Variants in EFR3A observed in about 807,000 individuals in gnomAD.
The protein encoded by EFR3A is protein EFR3 homolog A.
A neutral mutation model predicts 104.4 loss-of-function variants in EFR3A; 76 were observed. That is an observed-to-expected ratio of 0.73 (90% CI 0.60 to 0.88). The LOEUF is 0.88. Ranked by LOEUF, EFR3A falls within the 40% of genes least tolerant of loss-of-function variation. The pLI, the probability that EFR3A is intolerant of heterozygous loss-of-function variation, is 0.00. For missense variants in EFR3A, 985 were observed against 1,012.5 expected (o/e 0.97, Z 0.37); for synonymous variants, 330 against 330.0 (o/e 1.00, Z 0.00).
chr8:131,999,871 C>T (rs1434552240), intron 19 of EFR3A, among the ~76,000 whole-genome samples: 1 of 152,090 alleles, frequency 6.6e-6, no homozygotes, highest in East Asian at 1.9e-4. Flanking sequence ...AAAAGAATCT[C>T]TCAAGTGTGA....
intron 1 of EFR3A, among the ~76,000 whole-genome samples, chr8:131,935,302 T>G (rs896368700): frequency 1.3e-5 from 2 of 152,186 alleles, no homozygotes; most frequent in African/African-American, 4.8e-5. Context: ...GAAAAAGCAT[T>G]TTTATAAATG....
At chr8:131,957,756 A>C (rs1465506957) in intron 7 of EFR3A, among the ~76,000 whole-genome samples, 1 of 152,180 alleles carries the variant, frequency 6.6e-6, no homozygotes, top group African/African-American at 2.4e-5. Flanking sequence ...GTAGGTTTTT[A>C]ATTTCAATTA....
chr8:131,948,886 G>A (rs10808594), intron 4 of EFR3A, among the ~76,000 whole-genome samples: 74,233 of 151,846 alleles, frequency 0.49, 18,299 homozygotes, highest in Middle Eastern at 0.57. Flanking sequence ...TTTATTAATG[G>A]TGTTCGTACG....
intron 7 of EFR3A, among the ~76,000 whole-genome samples, chr8:131,957,170 G>GC (rs1222092854): frequency 6.6e-6 from 1 of 152,014 alleles, no homozygotes; most frequent in African/African-American, 2.4e-5. Flanking sequence ...AATATTAAAT[G>GC]CCCTCTGCAA....
intron 7 of EFR3A, among the ~76,000 whole-genome samples, chr8:131,957,719 T>TA (rs34846608): frequency 2.6e-5 from 4 of 152,120 alleles, no homozygotes; most frequent in Non-Finnish European, 5.9e-5. Context: ...ATTTTATTTG[T>TA]AAAGAATGCT....
In EFR3A at chr8:131,999,700, T is replaced by TAA. The variant is rs200463770; in HGVS notation, c.2158-2047_2158-2046dup. On this transcript the variant is annotated intron_variant, in intron 19 of 22. Transcript: ENST00000254624. Reference sequence around the variant, plus strand: ...AATGCTAGTATAAAGCAGTTAGTCTTAAAAAAAAAAAAAGATCCACAAAAG... The same window carrying TAA: ...AATGCTAGTATAAAGCAGTTAGTCTTAAAAAAAAAAAAAAAGATCCACAAAAG... Among the ~76,000 whole-genome samples, 277 of 141,398 alleles carry TAA rather than the reference T, an allele frequency of 2.0e-3. 2 individuals are homozygous for TAA. Among genetic ancestry groups the TAA allele is most frequent in the African/African-American group, 6.8e-3 (265 of 38,872 alleles). The allele number at this position is 141,398 out of a possible 152,430, so 92.8% of individuals were successfully genotyped here.
At chr8:131,992,293 G>C (rs1450623612) in intron 18 of EFR3A, among the ~76,000 whole-genome samples, 1 of 152,142 alleles carries the variant, frequency 6.6e-6, no homozygotes, top group East Asian at 1.9e-4. Context: ...AAAAAATACA[G>C]GGTCTAGGTT....
In EFR3A at chr8:131,975,995, A is replaced by T. The variant is rs1267420134; in HGVS notation, c.1160-32A>T. The T allele has an allele frequency of 3.0e-6, 4 of 1,338,866 alleles. No individual in the cohort carries two copies. The African/African-American group carries it at 4.4e-5, about 15-fold the overall frequency. The allele number at this position is 1,338,866 out of a possible 1,614,324, so 82.9% of individuals were successfully genotyped here. On this transcript the variant is annotated intron_variant, in intron 10 of 22. Transcript: ENST00000254624. ...ATTATATGGAAAAGTAGACTTTTTC[A>T]GTTTCTAAAATTTGTCTTAATACTT... is the stretch of plus-strand genomic sequence containing the variant.
intron 8 of EFR3A, among the ~76,000 whole-genome samples, chr8:131,967,588 C>T (rs998154512): frequency 6.7e-6 from 1 of 149,818 alleles, no homozygotes; most frequent in African/African-American, 2.5e-5. Flanking sequence ...AAAAAAAAAA[C>T]CTATTCACTG....
Position 131,953,977 on chromosome 8 carries a change from A to C in EFR3A, c.638+10A>C. On this transcript the variant is annotated intron_variant, in intron 6 of 22. Coordinates refer to ENST00000254624, the MANE Select transcript of EFR3A (RefSeq NM_015137.6). ...TAGAAGAAGTTGACAGGTATTTAAA[A>C]AAATATTAGTGTTGAGACAGTGTTA... 1 of 1,524,060 alleles carries C rather than the reference A, an allele frequency of 6.6e-7. No homozygotes were observed. Among genetic ancestry groups the C allele is most frequent in the Non-Finnish European group, 8.8e-7 (1 of 1,133,226 alleles). The allele number at this position is 1,524,060 out of a possible 1,614,324, so 94.4% of individuals were successfully genotyped here.
intron 2 of EFR3A, among the ~76,000 whole-genome samples, chr8:131,942,524 G>A (rs531835831): frequency 2.0e-5 from 3 of 152,178 alleles, no homozygotes; most frequent in African/African-American, 7.2e-5. Flanking sequence ...GTAATAAGTA[G>A]TACCGATCTC....
At chr8:131,986,576 G>A (rs1423462264) in intron 17 of EFR3A, among the ~76,000 whole-genome samples, 1 of 152,048 alleles carries the variant, frequency 6.6e-6, no homozygotes, top group Non-Finnish European at 1.5e-5. Context: ...CTGAGGTCAG[G>A]AGTTTTAGAC....
chr8:131,995,240 A>T (rs1471321941), intron 18 of EFR3A, among the ~76,000 whole-genome samples: 1 of 152,186 alleles, frequency 6.6e-6, no homozygotes, highest in Non-Finnish European at 1.5e-5. Context: ...TTACTCACTC[A>T]GCTTTCCAAG....
At chr8:131,920,251 A>G (rs1816937139) in intron 1 of EFR3A, among the ~76,000 whole-genome samples, 2 of 152,152 alleles carry the variant, frequency 1.3e-5, no homozygotes, top group South Asian at 2.1e-4. Context: ...CTAAGCAGCA[A>G]TGGCCATTTT....
intron 12 of EFR3A, among the ~76,000 whole-genome samples, chr8:131,977,608 A>G (rs1423749026): frequency 1.3e-5 from 2 of 152,190 alleles, no homozygotes; most frequent in Non-Finnish European, 2.9e-5. Flanking sequence ...ATTGTCTAGC[A>G]ATTGTACTCA....
intron 1 of EFR3A, among the ~76,000 whole-genome samples, chr8:131,931,532 C>T (rs1212021600): frequency 1.3e-5 from 2 of 151,962 alleles, no homozygotes; most frequent in East Asian, 1.9e-4. Flanking sequence ...ATTTTGTTTT[C>T]TGTAATGTTG....
intron 18 of EFR3A, among the ~76,000 whole-genome samples, chr8:131,995,873 T>C (rs974465156): frequency 2.0e-5 from 3 of 152,156 alleles, no homozygotes; most frequent in Non-Finnish European, 4.4e-5. Flanking sequence ...TGGACAATGC[T>C]GGAGGAGATA....
At chr8:131,986,016 GAAAAC>G (rs993301385) in intron 16 of EFR3A, among the ~76,000 whole-genome samples, 173 bp from the exon 17 acceptor site, 16 of 152,070 alleles carry the variant, frequency 1.1e-4, no homozygotes, top group African/African-American at 3.6e-4. Flanking sequence ...TAATAGATGT[GAAAAC>G]AAAACAAACT....
chr8:131,978,969 G>A lies in EFR3A; in HGVS notation c.1449G>A (p.Met483Ile). The change falls in exon 13 of 23, where the codon ATG (methionine) becomes ATA (isoleucine). Residue 483 changes from methionine to isoleucine, a missense_variant. Coordinates refer to ENST00000254624, the MANE Select transcript of EFR3A (RefSeq NM_015137.6). ...TGAGACAGTTGGTCTTGGAAGTAAT[G>A]CATAATCTCATGGATCGTCATGACA... ...YELRQLVLEV[M>I]HNLMDRHDNR... The A allele has an allele frequency of 6.2e-7, 1 of 1,613,046 alleles. No individual in the cohort carries two copies. Among genetic ancestry groups the A allele is most frequent in the Non-Finnish European group, 8.5e-7 (1 of 1,179,288 alleles).
Sources: allele counts gnomAD v4.1 joint callset (sites outside exome capture counted in the v4.1 genomes callset), GRCh38; gene constraint gnomAD v4.1.1; transcripts MANE v1.5; gene names NCBI Gene and HGNC (gene_info 2026-07-23, HGNC 2026-07-21).